RYR1: variants seen among roughly 807,000 people sequenced by gnomAD.
The protein encoded by RYR1 is ryanodine receptor 1, also known as central core disease of muscle.
Under a neutral mutation model 583.5 loss-of-function variants are expected in RYR1, and 342 were observed. That is an observed-to-expected ratio of 0.59 (90% confidence interval 0.54 to 0.64). The LOEUF is 0.64. Among genes scored for constraint, RYR1 ranks in the 30% least tolerant of loss-of-function variants. The pLI is 0.00. For synonymous variants in RYR1, 2,791 were observed against 2,822.5 expected, an observed-to-expected ratio of 0.99 and a Z score of 0.35; for missense variants, 6,032 against 6,917.2, an observed-to-expected ratio of 0.87 and a Z score of 4.54.
rs186345394 is a variant in RYR1 at position 38,521,909 on chromosome 19, C to T, written c.10260-1119C>T. 1.3e-4 allele frequency among the ~76,000 whole-genome samples: 20 copies of T among 151,884 alleles called. No homozygotes were observed. In the East Asian group the frequency reaches 3.6e-3, roughly 27 times the overall value. On this transcript the variant is annotated intron_variant, in intron 67 of 105. Coordinates refer to ENST00000359596, the MANE Select transcript of RYR1 (RefSeq NM_000540.3). ...TTTTTTAGTAGAGATGAGGTTTCAC[C>T]GTGTTAGCCAGGATGGTCTCGATCT...
chr19:38,585,640 A>AT (rs973190440), intron 102 of RYR1, among the ~76,000 whole-genome samples: 1 of 151,010 alleles, frequency 6.6e-6, no homozygotes, highest in Non-Finnish European at 1.5e-5. Context: ...CACCCAGCTA[A>AT]TTTTTTTTAT....
At chr19:38,582,656 T>A (rs543977772) in intron 101 of RYR1, among the ~76,000 whole-genome samples, 1 of 151,906 alleles carries the variant, frequency 6.6e-6, no homozygotes, top group East Asian at 1.9e-4. Context: ...GTGTCAAGTT[T>A]AAAAAAAAGT....
At chr19:38,559,311 G>A (rs1408055927) in intron 89 of RYR1, among the ~76,000 whole-genome samples, 1 of 143,682 alleles carries the variant, frequency 7.0e-6, no homozygotes, top group African/African-American at 2.6e-5. Context: ...TTGGCTCACT[G>A]CAACATCCGC....
chr19:38,509,025 A>C (rs1970605902), intron 58 of RYR1, among the ~76,000 whole-genome samples: 1 of 149,106 alleles, frequency 6.7e-6, no homozygotes, highest in Non-Finnish European at 1.5e-5. Context: ...TAGGCCCTAC[A>C]ATCCCCTCCA....
intron 3 of RYR1, among the ~76,000 whole-genome samples, chr19:38,442,915 G>T (rs1035160196): frequency 3.3e-5 from 5 of 152,154 alleles, no homozygotes; most frequent in African/African-American, 1.2e-4. Context: ...CCAAGCGTGA[G>T]TCCCTCTGGT....
Position 38,515,057 on chromosome 19 carries a change from G to T in RYR1, c.9504G>T (p.Thr3168=), listed in dbSNP as rs753088327. The change falls in exon 64 of 106, where the codon ACG becomes ACT. Residue 3168 remains threonine (T), a synonymous_variant. Transcript: ENST00000359596. ...LDDVQVSCYR[T]LCSIYSLGTT... ...ACGTCCAGGTCTCTTGCTACCGAACGCTGTGCAGTATCTACTCCCTGGGAA... is the reference window on the plus strand; with the variant it reads ...ACGTCCAGGTCTCTTGCTACCGAACTCTGTGCAGTATCTACTCCCTGGGAA... 1.4e-5 allele frequency: 22 copies of T among 1,613,518 alleles called. No individual in the cohort carries two copies. In the Admixed American group the frequency reaches 3.0e-4, roughly 22 times the overall value.
At chr19:38,465,598 C>A (rs1324450513) in intron 23 of RYR1, among the ~76,000 whole-genome samples, 2 of 152,080 alleles carry the variant, frequency 1.3e-5, no homozygotes, top group African/African-American at 4.8e-5. Context: ...AACCCACCCT[C>A]TACCAAAAAT....
Position 38,532,540 on chromosome 19 carries a change from A to G in RYR1, c.11192A>G (p.Lys3731Arg). The G allele has an allele frequency of 6.2e-7, 1 of 1,614,156 alleles. No homozygotes were observed. ...LYMAYADIMA[K>R]SCHLEEGGEN... ...ATGGCCTATGCTGATATCATGGCAA[A>G]GGTGAGGCCCTACCCCCCTCTTCTG... The change falls in exon 77 of 106, where the codon AAG becomes AGG. Residue 3731 changes from lysine (K) to arginine (R), a missense_variant and splice_region_variant. Physicochemically the swap from Lys to Arg is conservative, Grantham distance 26. Coordinates refer to ENST00000359596, the MANE Select transcript of RYR1 (RefSeq NM_000540.3).
At chr19:38,461,729 A>G (rs2145423889) in intron 20 of RYR1, among the ~76,000 whole-genome samples, 2 of 144,630 alleles carry the variant, frequency 1.4e-5, no homozygotes, top group African/African-American at 2.5e-5. Context: ...CTGAAAAAAA[A>G]AAAAAAAAAA....
intron 76 of RYR1, among the ~76,000 whole-genome samples, chr19:38,530,457 T>TG (rs766647608): frequency 1.9e-4 from 28 of 147,560 alleles, no homozygotes; most frequent in South Asian, 1.3e-3. Context: ...CTGGTAGAGA[T>TG]GGGGGTCTCA....
chr19:38,435,486 C>T (rs1388943995), intron 1 of RYR1, among the ~76,000 whole-genome samples: 18 of 152,170 alleles, frequency 1.2e-4, no homozygotes. Flanking sequence ...AATCTCAGCA[C>T]TTTGGGAGGC....
At chr19:38,507,621 G>A in intron 57 of RYR1, 91 bp from the exon 58 acceptor site, 1 of 844,526 alleles carries the variant, frequency 1.2e-6, no homozygotes, top group Non-Finnish European at 2.1e-6. Flanking sequence ...TGATAGAGAC[G>A]GGGCCAGCAG....
At chr19:38,488,453 C>A (rs1440712739) in intron 34 of RYR1, among the ~76,000 whole-genome samples, 1 of 152,116 alleles carries the variant, frequency 6.6e-6, no homozygotes, top group Non-Finnish European at 1.5e-5. Context: ...ACTCTTCTTC[C>A]CTTTCGTCTA....
intron 2 of RYR1, 48 bp downstream of exon 2, chr19:38,440,912 G>C: frequency 6.3e-7 from 1 of 1,588,770 alleles, no homozygotes; most frequent in African/African-American, 1.3e-5. Context: ...GTCTGAAGGG[G>C]CAGAGAATCT....
At position 38,499,917 on chromosome 19, in the gene RYR1, G is replaced by GGAA; in HGVS notation, c.7225_7227dup (p.Glu2409dup). On this transcript the variant is annotated inframe_insertion, in exon 45 of 106. Transcript: ENST00000359596. The surrounding 1 kb of genome is among the most constrained non-coding windows in gnomAD (Gnocchi z 7.3). ...CCCACCTTCCCTGCAGCTTTGGTGA[G>GGAA]GAACCGCCTGAAGAAAACCGGGTGC... 4 of 1,614,030 alleles carry GGAA rather than the reference G, an allele frequency of 2.5e-6. No individual in the cohort carries two copies. Among genetic ancestry groups the GGAA allele is most frequent in the Non-Finnish European group, 2.5e-6 (3 of 1,179,954 alleles).
In RYR1 at chr19:38,504,858, G is replaced by A; in HGVS notation, c.8178G>A (p.Lys2726=). 1 of 1,614,110 alleles carries A rather than the reference G, an allele frequency of 6.2e-7. No homozygotes were observed. ...DASYSSKAEK[K]ATVDAEGNFD... is the part of the protein sequence containing the mutation. Reference sequence around the variant, plus strand: ...CATACTCATCTAAGGCAGAGAAAAAGGCCACAGTGGATGCTGAAGGCAACT... The same window carrying A: ...CATACTCATCTAAGGCAGAGAAAAAAGCCACAGTGGATGCTGAAGGCAACT... The change falls in exon 51 of 106, where the codon AAG becomes AAA. Residue 2726 remains lysine (K), a synonymous_variant. Transcript: ENST00000359596.
intron 39 of RYR1, among the ~76,000 whole-genome samples, chr19:38,495,054 G>A (rs1969751523): frequency 6.6e-6 from 1 of 151,866 alleles, no homozygotes; most frequent in Non-Finnish European, 1.5e-5. Context: ...GTTTCACCAT[G>A]TTGATCAGAC....
intron 20 of RYR1, 144 bp downstream of exon 20, chr19:38,460,735 T>A: frequency 1.3e-6 from 1 of 791,388 alleles, no homozygotes; most frequent in Non-Finnish European, 2.1e-6. Context: ...CCCAGCAATT[T>A]GGGAGGCCGA....
intron 75 of RYR1, 63 bp downstream of exon 75, chr19:38,528,758 C>G (rs746859859): frequency 2.8e-4 from 437 of 1,541,904 alleles, no homozygotes; most frequent in Non-Finnish European, 3.6e-4. Flanking sequence ...CGGAGGCCAC[C>G]CTTGGCACAC....
Sources: allele counts gnomAD v4.1 joint callset (sites outside exome capture counted in the v4.1 genomes callset), GRCh38; gene constraint gnomAD v4.1.1; non-coding constraint Gnocchi (gnomAD v3.1); transcripts MANE v1.5; gene names NCBI Gene and HGNC (gene_info 2026-07-23, HGNC 2026-07-21).